The following MLXIP variants were observed in gnomAD, a reference collection of about 807,000 sequenced individuals.
The protein encoded by MLXIP is MLX interacting protein.
Under a neutral mutation model 87.2 loss-of-function variants are expected in MLXIP, and 30 were observed. That is an observed-to-expected ratio of 0.34 (90% CI 0.26 to 0.47). The LOEUF is 0.47. Among genes scored for constraint, MLXIP ranks in the 20% least tolerant of loss-of-function variants. The probability of loss-of-function intolerance (pLI) is 1.00; values close to 1 mark genes in which losing one functional copy is unlikely to be tolerated. For synonymous variants in MLXIP, 530 were observed against 514.0 expected, an observed-to-expected ratio of 1.03 and a Z score of -0.42; for missense variants, 1,002 against 1,240.1, an observed-to-expected ratio of 0.81 and a Z score of 2.88.
At chr12:122,115,076 T>A (rs1427319415) in intron 1 of MLXIP, among the ~76,000 whole-genome samples, 1 of 151,900 alleles carries the variant, frequency 6.6e-6, no homozygotes, top group Non-Finnish European at 1.5e-5. Context: ...TACACAATAT[T>A]ATCACCAAAA....
rs758672459 is a variant in MLXIP at position 122,141,093 on chromosome 12, G to C, written c.2638+10G>C. Reference sequence around the variant, plus strand: ...CCCATCCTCAGGCCGAGTGAGTGGGGCAGTGCCAGGGTGGGGGGCTTCATG... The same window carrying C: ...CCCATCCTCAGGCCGAGTGAGTGGGCCAGTGCCAGGGTGGGGGGCTTCATG... On this transcript the variant is annotated intron_variant, in intron 16 of 16. Coordinates refer to ENST00000319080, the MANE Select transcript of MLXIP (RefSeq NM_014938.6). The C allele has an allele frequency of 2.5e-6, 4 of 1,603,996 alleles. No individual in the cohort carries two copies. The highest frequency in any genetic ancestry group is 2.7e-5 in the African/African-American group (2 of 74,852).
At position 122,142,259 on chromosome 12, in the gene MLXIP, C is replaced by T; in HGVS notation, c.*447C>T. ...GCATGCCTCTGCCTGATGCCCTGCT[C>T]CACTCTCTGGTCTGCCCGTGGGGCA... On this transcript the variant is annotated 3_prime_UTR_variant, in exon 17 of 17. Transcript: ENST00000319080. 1 of 697,344 alleles carries T rather than the reference C, an allele frequency of 1.4e-6. No homozygotes were observed. Among genetic ancestry groups the T allele is most frequent in the Non-Finnish European group, 2.6e-6 (1 of 382,062 alleles). The allele number at this position is 697,344 out of a possible 1,614,324, so 43.2% of individuals were successfully genotyped here.
At chr12:122,087,858 G>GA (rs1565956676) in intron 1 of MLXIP, among the ~76,000 whole-genome samples, 1 of 152,172 alleles carries the variant, frequency 6.6e-6, no homozygotes, top group African/African-American at 2.4e-5. Context: ...ATTCAGGGTG[G>GA]TTTTTGGACT....
chr12:122,107,688 G>A (rs1952542023), intron 1 of MLXIP, among the ~76,000 whole-genome samples: 1 of 152,150 alleles, frequency 6.6e-6, no homozygotes, highest in Non-Finnish European at 1.5e-5. Context: ...TCTGTCCAAG[G>A]CTGCAGAGCT....
At chr12:122,110,518 C>A (rs1479793715) in intron 1 of MLXIP, among the ~76,000 whole-genome samples, 1 of 152,004 alleles carries the variant, frequency 6.6e-6, no homozygotes, top group East Asian at 1.9e-4. Flanking sequence ...AACTCCCAAC[C>A]TCAGGTGATC....
At chr12:122,126,368 G>T (rs1327058908) in intron 1 of MLXIP, among the ~76,000 whole-genome samples, 2 of 152,206 alleles carry the variant, frequency 1.3e-5, no homozygotes, top group African/African-American at 4.8e-5. Flanking sequence ...GACCGTCCCC[G>T]AGTGGAGGAG....
At chr12:122,082,136 A>G (rs1233819733) in intron 1 of MLXIP, among the ~76,000 whole-genome samples, 2 of 152,106 alleles carry the variant, frequency 1.3e-5, no homozygotes, top group African/African-American at 4.8e-5. Flanking sequence ...CCCGGGGCTG[A>G]CTTTGGGTGT....
At position 122,121,009 on chromosome 12, in the gene MLXIP, G is replaced by GTTTTTTTTTTTT. The variant is rs776332981; in HGVS notation, c.414-6247_414-6246insTTTTTTTTTTTT. Among the ~76,000 whole-genome samples, 47 of 102,168 alleles carry GTTTTTTTTTTTT rather than the reference G, an allele frequency of 4.6e-4. 4 individuals are homozygous for GTTTTTTTTTTTT. The highest frequency in any genetic ancestry group is 7.2e-4 in the African/African-American group (18 of 24,898). 67.0% of individuals were successfully genotyped at this position (102,168 alleles called of 152,430 possible). A position where few individuals can be genotyped will look rare whatever the true frequency, so the allele number is the denominator to read the frequency against. On this transcript the variant is annotated intron_variant, in intron 1 of 16. Transcript: ENST00000319080. ...TAGCCCCAGAGCCCTCTGCATGCTT[G>GTTTTTTTTTTTT]GTTTTTTTTTTTTTTTTTTGAAACG...
chr12:122,098,329 G>A (rs1298637932), intron 1 of MLXIP, among the ~76,000 whole-genome samples: 1 of 152,202 alleles, frequency 6.6e-6, no homozygotes, highest in Non-Finnish European at 1.5e-5. Context: ...CAGCTTTTAG[G>A]TTCTTGGAAA....
chr12:122,133,761 C>T lies in MLXIP; in HGVS notation c.1506C>T (p.Ser502=). Residue 502 remains serine (S), a synonymous_variant, in exon 9 of 17, where the codon AGC becomes AGT. Coordinates refer to ENST00000319080, the MANE Select transcript of MLXIP (RefSeq NM_014938.6). This position sits in a 1 kb window ranked among gnomAD's most constrained non-coding sequence, Gnocchi z 4.9. ...LTHDAPATTF[S]QSQGLVITTH... The stretch of plus-strand genomic sequence containing the variant: ...ACGATGCCCCCGCCACCACCTTTAG[C>T]CAGAGTCAGGGCCTTGTGATCACCA... The T allele has an allele frequency of 6.2e-7, 1 of 1,613,394 alleles. No homozygotes were observed. The highest frequency in any genetic ancestry group is 8.5e-7 in the Non-Finnish European group (1 of 1,179,688).
intron 1 of MLXIP, among the ~76,000 whole-genome samples, chr12:122,093,865 TGTGG>T (rs1952294632): frequency 7.1e-6 from 1 of 140,430 alleles, no homozygotes; most frequent in African/African-American, 2.7e-5. Flanking sequence ...GTGTCTGGTG[TGTGG>T]GGTGTGTTGG....
At position 122,135,666 on chromosome 12, in the gene MLXIP, A is replaced by G. The variant is rs1565987257; in HGVS notation, c.2032A>G (p.Ser678Gly). Residue 678 changes from serine to glycine, a missense_variant and splice_region_variant, in exon 11 of 17, where the codon AGT becomes GGT. This residue lies in a region of MLXIP where 746 missense variants were observed against 897.0 expected (regional missense o/e 0.83). Transcript: ENST00000319080. This position sits in a 1 kb window ranked among gnomAD's most constrained non-coding sequence, Gnocchi z 5.3. ...GSPQVTVTGP[S>G]RDCPNSGQAS... ...CCCCCAGGTCACTGTCACAGGGCCC[A>G]GTGAGTGTTCACTCGGCGGGATGGT... is the stretch of plus-strand genomic sequence containing the variant. The G allele has an allele frequency of 6.7e-7, 1 of 1,496,988 alleles. No individual in the cohort carries two copies. The highest frequency in any genetic ancestry group is 8.9e-7 in the Non-Finnish European group (1 of 1,123,362). The allele number at this position is 1,496,988 out of a possible 1,614,324, so 92.7% of individuals were successfully genotyped here.
intron 1 of MLXIP, among the ~76,000 whole-genome samples, chr12:122,123,020 C>T (rs1456545742): frequency 6.6e-6 from 1 of 152,092 alleles, no homozygotes; most frequent in Admixed American, 6.6e-5. Flanking sequence ...GCAGCTTTTC[C>T]TGAGTACCCT....
chr12:122,128,855 A>G (rs151192319), intron 3 of MLXIP: 87 of 371,862 alleles, frequency 2.3e-4, no homozygotes, highest in Non-Finnish European at 3.6e-4. Context: ...TCCTCTGTGG[A>G]GCATTCTGCT....
chr12:122,124,860 G>A (rs1198917783), intron 1 of MLXIP, among the ~76,000 whole-genome samples: 1 of 151,930 alleles, frequency 6.6e-6, no homozygotes, highest in African/African-American at 2.4e-5. Context: ...GTAAAACCCT[G>A]TCTCTACTAA....
intron 1 of MLXIP, among the ~76,000 whole-genome samples, chr12:122,122,531 T>G (rs1032041706): frequency 6.6e-6 from 1 of 151,892 alleles, no homozygotes; most frequent in African/African-American, 2.4e-5. Flanking sequence ...TCCCTGCTAC[T>G]TTTTTCTTTT....
At chr12:122,094,116 GT>G (rs2135912056) in intron 1 of MLXIP, among the ~76,000 whole-genome samples, 1 of 141,434 alleles carries the variant, frequency 7.1e-6, no homozygotes, top group Non-Finnish European at 1.6e-5. Context: ...GTGGTGTGTT[GT>G]GTGTGTTGGT....
At chr12:122,139,084 GGA>G in intron 15 of MLXIP, 146 bp downstream of exon 15, 2 of 1,308,176 alleles carry the variant, frequency 1.5e-6, no homozygotes, top group Non-Finnish European at 2.1e-6. Flanking sequence ...GTCTATCTCG[GGA>G]GAGAGTGGTC....
intron 1 of MLXIP, among the ~76,000 whole-genome samples, chr12:122,098,184 T>G (rs1036443647): frequency 6.6e-6 from 1 of 152,222 alleles, no homozygotes; most frequent in Non-Finnish European, 1.5e-5. Context: ...TGACCCTGAT[T>G]GGTAAAATAG....
Sources: allele counts gnomAD v4.1 joint callset (sites outside exome capture counted in the v4.1 genomes callset), GRCh38; gene constraint gnomAD v4.1.1; regional missense constraint gnomAD v4.1.1; non-coding constraint Gnocchi (gnomAD v3.1); transcripts MANE v1.5; gene names NCBI Gene and HGNC (gene_info 2026-07-23, HGNC 2026-07-21).